Variants in UBE2W observed in about 807,000 individuals in gnomAD.
The protein encoded by UBE2W is ubiquitin conjugating enzyme E2 W, also known as ubiquitin-conjugating enzyme E2 W.
A neutral mutation model predicts 27.2 loss-of-function variants in UBE2W; 18 were observed. The observed-to-expected ratio is 0.66, with a 90% confidence interval of 0.46 to 0.98. The LOEUF is 0.98. Ranked by LOEUF, UBE2W falls within the 50% of genes least tolerant of loss-of-function variation. The pLI is 0.00. For synonymous variants in UBE2W, 53 were observed against 57.2 expected, an observed-to-expected ratio of 0.93 and a Z score of 0.33; for missense variants, 90 against 180.2, an observed-to-expected ratio of 0.50 and a Z score of 2.87.
intron 1 of UBE2W, among the ~76,000 whole-genome samples, chr8:73,868,166 G>A (rs1811857154): frequency 6.6e-6 from 1 of 152,208 alleles, no homozygotes; most frequent in Non-Finnish European, 1.5e-5. Context: ...TGATTAGAGG[G>A]TGGAAACATT....
At chr8:73,876,503 C>T (rs564460041) in intron 1 of UBE2W, among the ~76,000 whole-genome samples, 2 of 151,998 alleles carry the variant, frequency 1.3e-5, no homozygotes, top group African/African-American at 2.4e-5. Context: ...AGGAAGCATC[C>T]GTTTTCCATT....
chr8:73,865,035 GT>G (rs1335158827), intron 1 of UBE2W, among the ~76,000 whole-genome samples: 33 of 152,030 alleles, frequency 2.2e-4, no homozygotes, highest in African/African-American at 8.0e-4. Flanking sequence ...CAGCACATAA[GT>G]TAAACAGTGA....
intron 1 of UBE2W, among the ~76,000 whole-genome samples, chr8:73,857,256 A>T (rs1031297513): frequency 6.6e-6 from 1 of 152,180 alleles, no homozygotes; most frequent in Non-Finnish European, 1.5e-5. Flanking sequence ...GGAAAAAAAA[A>T]ATCACATTTA....
rs71269951 is a variant in UBE2W at position 73,849,512 on chromosome 8, C to CAAAA, written c.16-19044_16-19041dup. On this transcript the variant is annotated intron_variant, in intron 1 of 5. Coordinates refer to ENST00000602593, the MANE Select transcript of UBE2W (RefSeq NM_018299.6). ...GGGCAACAAGAGTGAAACTCCATCT[C>CAAAA]AAAAAAAAAAAAAAAAAAAAAAAAA... Among the ~76,000 whole-genome samples the CAAAA allele has an allele frequency of 3.2e-3, 72 of 22,772 alleles. 4 individuals are homozygous for CAAAA. Among genetic ancestry groups the CAAAA allele is most frequent in the South Asian group, 9.2e-3 (2 of 218 alleles). The allele number at this position is 22,772 out of a possible 152,430, so 14.9% of individuals were successfully genotyped here.
In UBE2W at chr8:73,787,609, A is replaced by G. The variant is rs1808009905; in HGVS notation, c.*6493T>C. On this transcript the variant is annotated 3_prime_UTR_variant, in exon 6 of 6. Coordinates refer to ENST00000602593, the MANE Select transcript of UBE2W (RefSeq NM_018299.6). Reference sequence around the variant, plus strand: ...GCAGATCCCCTGCAGAAAAGCTTAGAATTACCAGCAGAGCATATTTAATTC... The same window carrying G: ...GCAGATCCCCTGCAGAAAAGCTTAGGATTACCAGCAGAGCATATTTAATTC... 5 of 985,400 alleles carry G rather than the reference A, an allele frequency of 5.1e-6. No homozygotes were observed. In the South Asian group the frequency reaches 2.3e-4, roughly 46 times the overall value. 61.0% of individuals were successfully genotyped at this position (985,400 alleles called of 1,614,324 possible). A position where few individuals can be genotyped will look rare whatever the true frequency, so the allele number is the denominator to read the frequency against.
rs915974337 is a variant in UBE2W at position 73,823,150 on chromosome 8, C to G, written c.210+1997G>C. 2.0e-5 allele frequency among the ~76,000 whole-genome samples: 3 copies of G among 152,064 alleles called. No individual in the cohort carries two copies. The South Asian group carries it at 6.2e-4, about 32-fold the overall frequency. On this transcript the variant is annotated intron_variant, in intron 3 of 5. Transcript: ENST00000602593. ...AGTAACACAGTGCTGAATAAAGAAC[C>G]TGGATAACACCAATGTTAGAAGAAC...
At chr8:73,782,353 TAATG>T (rs1206513804), downstream of UBE2W, among the ~76,000 whole-genome samples, 1 of 152,192 alleles carries the variant, frequency 6.6e-6, no homozygotes, top group Non-Finnish European at 1.5e-5. Flanking sequence ...ACAATCAAGA[TAATG>T]AACATATGTA....
chr8:73,832,067 T>C (rs1810088082), intron 1 of UBE2W: 2 of 151,202 alleles, frequency 1.3e-5, no homozygotes, highest in Admixed American at 6.6e-5. Flanking sequence ...GCCCAGCAGT[T>C]TGAGACCAGC....
At chr8:73,783,085 G>A (rs538490842), downstream of UBE2W, among the ~76,000 whole-genome samples, 22 of 152,212 alleles carry the variant, frequency 1.4e-4, no homozygotes, top group African/African-American at 4.8e-4. Context: ...ATCAGTTCGA[G>A]TAAAAAACAA....
rs558330054 is a variant in UBE2W at position 73,855,763 on chromosome 8, T to C, written c.15+23045A>G. Reference sequence around the variant, plus strand: ...TATATGGTCTGTAAGTGTGTAGGTATGAAAGTTTTGTTACCTTCTGGACCC... The same window carrying C: ...TATATGGTCTGTAAGTGTGTAGGTACGAAAGTTTTGTTACCTTCTGGACCC... On this transcript the variant is annotated intron_variant, in intron 1 of 5. Coordinates refer to ENST00000602593, the MANE Select transcript of UBE2W (RefSeq NM_018299.6). Among the ~76,000 whole-genome samples the C allele has an allele frequency of 1.7e-3, 258 of 152,304 alleles. 1 individual carries two copies. Among genetic ancestry groups the C allele is most frequent in the Non-Finnish European group, 3.0e-3 (205 of 68,024 alleles).
chr8:73,850,040 A>T (rs984632066), intron 1 of UBE2W, among the ~76,000 whole-genome samples: 2 of 152,186 alleles, frequency 1.3e-5, no homozygotes, highest in Non-Finnish European at 2.9e-5. Context: ...AGAAGATTTT[A>T]GTAACACCTC....
rs529932400 is a variant in UBE2W at position 73,792,894 on chromosome 8, T to C, written c.*1208A>G. 1.0e-6 allele frequency: 1 copy of C among 985,624 alleles called. No individual in the cohort carries two copies. The highest frequency in any genetic ancestry group is 1.7e-5 in the African/African-American group (1 of 57,314). 61.1% of individuals were successfully genotyped at this position (985,624 alleles called of 1,614,324 possible). A position where few individuals can be genotyped will look rare whatever the true frequency, so the allele number is the denominator to read the frequency against. ...AAACTATATGGCTGTGTGAGACAAA[T>C]AAGCAACCATTTGATAGTGACTTTT... On this transcript the variant is annotated 3_prime_UTR_variant, in exon 6 of 6. Coordinates refer to ENST00000602593, the MANE Select transcript of UBE2W (RefSeq NM_018299.6).
At chr8:73,804,206 G>C (rs187609784) in intron 5 of UBE2W, among the ~76,000 whole-genome samples, 1 of 151,464 alleles carries the variant, frequency 6.6e-6, no homozygotes, top group East Asian at 1.9e-4. Flanking sequence ...CTTCACACTG[G>C]ATAGAAGATA....
chr8:73,866,290 A>AAAATATAT (rs1248216873), intron 1 of UBE2W, among the ~76,000 whole-genome samples: 2 of 43,090 alleles, frequency 4.6e-5, no homozygotes, highest in South Asian at 1.1e-3. Context: ...AAAAAAAAAA[A>AAAATATAT]ATATATATAT....
intron 5 of UBE2W, among the ~76,000 whole-genome samples, chr8:73,803,613 A>G (rs1346849178): frequency 6.6e-6 from 1 of 151,984 alleles, no homozygotes; most frequent in East Asian, 1.9e-4. Context: ...TCGAACCTAC[A>G]GTTTGTAAAA....
downstream of UBE2W, among the ~76,000 whole-genome samples, chr8:73,782,470 G>A (rs1370554183): frequency 6.6e-6 from 1 of 151,992 alleles, no homozygotes; most frequent in Non-Finnish European, 1.5e-5. Flanking sequence ...AACTAAGGAT[G>A]CATTTTCTAA....
intron 1 of UBE2W, among the ~76,000 whole-genome samples, chr8:73,877,569 T>C (rs1275836220): frequency 6.6e-6 from 1 of 152,040 alleles, no homozygotes; most frequent in African/African-American, 2.4e-5. Flanking sequence ...AAAACACTTT[T>C]AGCAGAGTAA....
rs756782549 is a variant in UBE2W, at chr8:73,793,343, A to G, written c.*759T>C. 3.0e-6 allele frequency: 3 copies of G among 985,828 alleles called. No individual in the cohort carries two copies. The highest frequency in any genetic ancestry group is 3.6e-6 in the Non-Finnish European group (3 of 829,900). 61.1% of individuals were successfully genotyped at this position (985,828 alleles called of 1,614,324 possible). ...AAATAAAGCCTTGATTAAACCATTC[A>G]TACCCTATATTACTCATACCTTTAC... On this transcript the variant is annotated 3_prime_UTR_variant, in exon 6 of 6. Transcript: ENST00000602593.
At chr8:73,842,709 AAC>A (rs1375671634) in intron 1 of UBE2W, among the ~76,000 whole-genome samples, 4 of 152,110 alleles carry the variant, frequency 2.6e-5, no homozygotes, top group African/African-American at 7.2e-5. Context: ...AAGGACCAAA[AAC>A]ACATTCAATT....
Sources: allele counts gnomAD v4.1 joint callset (sites outside exome capture counted in the v4.1 genomes callset), GRCh38; gene constraint gnomAD v4.1.1; transcripts MANE v1.5; gene names NCBI Gene and HGNC (gene_info 2026-07-23, HGNC 2026-07-21).